The following RNF216 variants were observed in gnomAD, a reference collection of about 807,000 sequenced individuals.
RNF216 encodes E3 ubiquitin-protein ligase RNF216.
RNF216 carries 72 observed loss-of-function variants against 110.8 expected under a neutral mutation model. That is an observed-to-expected ratio of 0.65 (90% CI 0.54 to 0.79). The LOEUF (loss-of-function observed/expected upper bound fraction) is 0.79. RNF216 is among the 30% of genes least tolerant of loss of function. The pLI is 0.00. For synonymous variants in RNF216, 495 were observed against 407.5 expected, an observed-to-expected ratio of 1.21 and a Z score of -2.59; for missense variants, 1,342 against 1,141.2, an observed-to-expected ratio of 1.18 and a Z score of -2.54.
intron 13 of RNF216, among the ~76,000 whole-genome samples, chr7:5,695,498 C>T (rs28542553): frequency 0.01 from 1,568 of 152,324 alleles, 27 homozygotes; most frequent in African/African-American, 0.036. Flanking sequence ...AGCACGGTTG[C>T]GCCTACTGCT....
At position 5,623,696 on chromosome 7, in the gene RNF216, G is replaced by A. The variant is rs559562832; in HGVS notation, c.2452+360C>T. 3.1e-3 allele frequency among the ~76,000 whole-genome samples: 479 copies of A among 152,208 alleles called. 2 individuals are homozygous for A. Among genetic ancestry groups the A allele is most frequent in the Non-Finnish European group, 5.9e-3 (399 of 68,014 alleles). On this transcript the variant is annotated intron_variant, in intron 16 of 16. Coordinates refer to ENST00000389902, the MANE Select transcript of RNF216 (RefSeq NM_207111.4). ...TGATGCTCCCACCTCTGCCTCCTGA[G>A]GAGCTGGGATCGCAGATGTGTGCCA...
chr7:5,743,055 G>C (rs952870415), intron 3 of RNF216, among the ~76,000 whole-genome samples: 2 of 152,126 alleles, frequency 1.3e-5, no homozygotes, highest in Admixed American at 1.3e-4. Flanking sequence ...GAGGTCAGGA[G>C]ATCGAGACCA....
Position 5,725,327 on chromosome 7 carries a change from G to C in RNF216, c.1501C>G (p.Gln501Glu). ...QYSYIDFKFE[Q>E]GDIKIEKRMF... is the part of the protein sequence containing the mutation. ...CCACCAACACAGTTTGCATTACCTT[G>C]TTCAAACTTGAAATCAATGTAAGAA... is the stretch of plus-strand genomic sequence containing the variant. Residue 501 changes from glutamine to glutamate, a missense_variant, in exon 8 of 17, where the codon CAA becomes GAA. Transcript: ENST00000389902. 1 of 1,568,056 alleles carries C rather than the reference G, an allele frequency of 6.4e-7. No individual in the cohort carries two copies. The highest frequency in any genetic ancestry group is 8.8e-7 in the Non-Finnish European group (1 of 1,138,150).
chr7:5,730,555 C>T (rs1490314446), intron 6 of RNF216, among the ~76,000 whole-genome samples, 160 bp downstream of exon 6: 1 of 152,172 alleles, frequency 6.6e-6, no homozygotes, highest in Non-Finnish European at 1.5e-5. Context: ...GGAGATCGCA[C>T]TGAAGTATAG....
chr7:5,779,420 G>C (rs765615906), intron 1 of RNF216, among the ~76,000 whole-genome samples: 4 of 151,976 alleles, frequency 2.6e-5, no homozygotes, highest in Admixed American at 6.6e-5. Flanking sequence ...CACCCCAGGC[G>C]CAATAAATTA....
intron 9 of RNF216, 26 bp downstream of exon 9, chr7:5,721,007 C>T (rs1353096991): frequency 6.2e-7 from 1 of 1,612,610 alleles, no homozygotes; most frequent in South Asian, 1.1e-5. Flanking sequence ...AGAAACACAC[C>T]CCAAGACCAG....
At chr7:5,757,674 T>C (rs1322560948) in intron 2 of RNF216, among the ~76,000 whole-genome samples, 1 of 152,148 alleles carries the variant, frequency 6.6e-6, no homozygotes, top group African/African-American at 2.4e-5. Flanking sequence ...TCCATTTATA[T>C]GAAATGACAG....
At chr7:5,707,843 A>G (rs1429549876) in intron 13 of RNF216, among the ~76,000 whole-genome samples, 1 of 150,174 alleles carries the variant, frequency 6.7e-6, no homozygotes, top group East Asian at 2.0e-4. Context: ...CTCCTGCCTC[A>G]GCCTCCCAAG....
chr7:5,767,184 C>T (rs1247974078), intron 1 of RNF216, among the ~76,000 whole-genome samples: 2 of 152,222 alleles, frequency 1.3e-5, no homozygotes, highest in African/African-American at 2.4e-5. Context: ...ATATAAAACA[C>T]ATCTTTGAAG....
At chr7:5,629,862 G>A (rs1786961727) in intron 15 of RNF216, among the ~76,000 whole-genome samples, 1 of 151,364 alleles carries the variant, frequency 6.6e-6, no homozygotes, top group Non-Finnish European at 1.5e-5. Flanking sequence ...GGGAGGGAGG[G>A]TTTAGGATTG....
In RNF216 at chr7:5,741,680, C is replaced by T. The variant is rs186298636; in HGVS notation, c.337G>A (p.Val113Met). The T allele has an allele frequency of 1.2e-6, 2 of 1,614,220 alleles. No individual in the cohort carries two copies. Among genetic ancestry groups the T allele is most frequent in the Non-Finnish European group, 1.7e-6 (2 of 1,180,052 alleles). Residue 113 changes from valine (V) to methionine (M), a missense_variant, in exon 4 of 17, where the codon GTG becomes ATG. By Grantham distance (21) the Val-to-Met change is conservative (BLOSUM62 1). Coordinates refer to ENST00000389902, the MANE Select transcript of RNF216 (RefSeq NM_207111.4). ...GAATCAAACAATGGGTTGTTACACACTGAAAAATAGCTGCTCTTATCTGAT... is the reference window on the plus strand; with the variant it reads ...GAATCAAACAATGGGTTGTTACACATTGAAAAATAGCTGCTCTTATCTGAT... ...FESDKSSYFS[V>M]CNNPLFDSGA... is the part of the protein sequence containing the mutation.
rs1490417270 is a variant in RNF216 at position 5,620,287 on chromosome 7, A to C, written c.*2573T>G. ...GATTCCTCTCTCCAGTTTTAAGGCA[A>C]GTAAGAGGGGGCTGTGGCTGGGGAG... is the stretch of plus-strand genomic sequence containing the variant. On this transcript the variant is annotated 3_prime_UTR_variant, in exon 17 of 17. Transcript: ENST00000389902. 1 of 152,066 alleles carries C rather than the reference A, an allele frequency of 6.6e-6. No homozygotes were observed. Among genetic ancestry groups the C allele is most frequent in the Non-Finnish European group, 1.5e-5 (1 of 68,010 alleles). The allele number at this position is 152,066 out of a possible 1,614,324, so 9.4% of individuals were successfully genotyped here.
intron 15 of RNF216, among the ~76,000 whole-genome samples, chr7:5,636,424 T>C (rs1787399785): frequency 6.6e-6 from 1 of 152,220 alleles, no homozygotes; most frequent in Admixed American, 6.5e-5. Flanking sequence ...GGAGTGGTAG[T>C]TCAGGTTCCC....
intron 13 of RNF216, among the ~76,000 whole-genome samples, chr7:5,710,671 T>C (rs1792622941): frequency 6.6e-6 from 1 of 152,200 alleles, no homozygotes; most frequent in South Asian, 2.1e-4. Context: ...TTCACACTCC[T>C]AGCACCAGTA....
intron 15 of RNF216, among the ~76,000 whole-genome samples, chr7:5,630,810 G>C (rs1271444615): frequency 1.3e-5 from 2 of 152,166 alleles, no homozygotes; most frequent in Non-Finnish European, 2.9e-5. Flanking sequence ...TTTCACCACA[G>C]CTCCCTGAGT....
chr7:5,629,479 T>C (rs1294314958), intron 15 of RNF216, among the ~76,000 whole-genome samples: 1 of 151,266 alleles, frequency 6.6e-6, no homozygotes, highest in Non-Finnish European at 1.5e-5. Context: ...AAAGTGAAGA[T>C]AACTGAATTG....
chr7:5,699,902 C>T (rs1017366072), intron 13 of RNF216, among the ~76,000 whole-genome samples: 3 of 152,194 alleles, frequency 2.0e-5, no homozygotes, highest in African/African-American at 7.2e-5. Flanking sequence ...TCAGGGAAGA[C>T]ACTGAGGAAT....
intron 3 of RNF216, among the ~76,000 whole-genome samples, chr7:5,750,051 G>T (rs1795249904): frequency 6.6e-6 from 1 of 152,072 alleles, no homozygotes; most frequent in Non-Finnish European, 1.5e-5. Flanking sequence ...TCCAGAATTT[G>T]CAAACTATTC....
intron 1 of RNF216, among the ~76,000 whole-genome samples, chr7:5,770,754 T>A (rs1482862615): frequency 6.6e-6 from 1 of 151,526 alleles, no homozygotes; most frequent in African/African-American, 2.4e-5. Flanking sequence ...GACAATATTG[T>A]ATTGACAAAA....
Sources: allele counts gnomAD v4.1 joint callset (sites outside exome capture counted in the v4.1 genomes callset), GRCh38; gene constraint gnomAD v4.1.1; transcripts MANE v1.5; gene names NCBI Gene and HGNC (gene_info 2026-07-23, HGNC 2026-07-21).